NCALD: variants seen among roughly 807,000 people sequenced by gnomAD.
NCALD encodes neurocalcin delta, also known as neurocalcin-delta.
Under a neutral mutation model 18.6 loss-of-function variants are expected in NCALD, and 10 were observed. The observed-to-expected ratio is 0.54, with a 90% CI of 0.33 to 0.91. NCALD has a LOEUF of 0.91. Ranked by LOEUF, NCALD falls within the 40% of genes least tolerant of loss-of-function variation. The pLI, the probability that NCALD is intolerant of heterozygous loss-of-function variation, is 0.03. For synonymous variants in NCALD, 88 were observed against 87.4 expected, an observed-to-expected ratio of 1.01 and a Z score of -0.04; for missense variants, 184 against 247.6, an observed-to-expected ratio of 0.74 and a Z score of 1.72.
intron 1 of NCALD, among the ~76,000 whole-genome samples, chr8:101,755,787 G>A (rs1471960038): frequency 6.6e-6 from 1 of 152,190 alleles, no homozygotes; most frequent in African/African-American, 2.4e-5. Flanking sequence ...AACCTTTTGT[G>A]ACTAACCATT....
At chr8:101,822,923 C>G (rs900294122) in intron 4 of NCALD, among the ~76,000 whole-genome samples, 1 of 152,148 alleles carries the variant, frequency 6.6e-6, no homozygotes. Flanking sequence ...TTTGACATAC[C>G]TAACATGGCT....
intron 4 of NCALD, among the ~76,000 whole-genome samples, chr8:101,856,558 G>GA (rs1017853717): frequency 2.7e-5 from 4 of 149,738 alleles, no homozygotes; most frequent in South Asian, 2.1e-4. Context: ...CTGCTATTAA[G>GA]AAAAAAAAAG....
At chr8:101,889,316 C>T (rs1816788396) in intron 3 of NCALD, among the ~76,000 whole-genome samples, 1 of 152,194 alleles carries the variant, frequency 6.6e-6, no homozygotes, top group South Asian at 2.1e-4. Context: ...TTTGGTTAAG[C>T]CACTGTAGAA....
chr8:101,849,298 G>A (rs1317933879), intron 4 of NCALD, among the ~76,000 whole-genome samples: 1 of 152,036 alleles, frequency 6.6e-6, no homozygotes, highest in Non-Finnish European at 1.5e-5. Flanking sequence ...AAACCACCAT[G>A]GCACATGTTT....
intron 1 of NCALD, among the ~76,000 whole-genome samples, chr8:101,742,291 G>T (rs1481576088): frequency 2.6e-5 from 4 of 151,998 alleles, no homozygotes; most frequent in African/African-American, 9.7e-5. Context: ...GAAGAAGAAA[G>T]CAATAAAGGA....
intron 2 of NCALD, among the ~76,000 whole-genome samples, chr8:101,976,247 C>T (rs73279297): frequency 0.015 from 2,339 of 152,110 alleles, 49 homozygotes; most frequent in African/African-American, 0.048. Context: ...ACAAGTCACC[C>T]CTTTGTTAAA....
chr8:101,714,950 T>C (rs1586282366), intron 2 of NCALD, among the ~76,000 whole-genome samples: 1 of 149,416 alleles, frequency 6.7e-6, no homozygotes, highest in Non-Finnish European at 1.5e-5. Flanking sequence ...TGAGCCGAGA[T>C]TGCGCCACTG....
intron 4 of NCALD, among the ~76,000 whole-genome samples, chr8:101,859,076 C>T (rs1815434852): frequency 6.6e-6 from 1 of 152,086 alleles, no homozygotes; most frequent in South Asian, 2.1e-4. Flanking sequence ...GAGAGGCAGA[C>T]CCACCCTCAA....
upstream of NCALD, among the ~76,000 whole-genome samples, chr8:101,792,821 A>G (rs1812493909): frequency 1.3e-5 from 2 of 151,944 alleles, no homozygotes; most frequent in South Asian, 4.2e-4. Context: ...CAGCTTTAGC[A>G]TTTAAGAGAG....
At chr8:101,880,467 C>A (rs485263) in intron 4 of NCALD, among the ~76,000 whole-genome samples, 1 of 151,848 alleles carries the variant, frequency 6.6e-6, no homozygotes, top group Non-Finnish European at 1.5e-5. Flanking sequence ...AGCGCAGTGG[C>A]GGACTGAAGG....
chr8:102,025,772 TG>T (rs1361526195), intron 1 of NCALD, among the ~76,000 whole-genome samples: 2 of 152,234 alleles, frequency 1.3e-5, no homozygotes, highest in African/African-American at 4.8e-5. Flanking sequence ...GAGGAACGTA[TG>T]TCTACAGGTA....
intron 1 of NCALD, among the ~76,000 whole-genome samples, chr8:102,106,354 G>A (rs746444615): frequency 2.0e-5 from 3 of 151,868 alleles, no homozygotes; most frequent in South Asian, 2.1e-4. Context: ...GATTATAGGC[G>A]TGAGCCACCA....
At chr8:101,840,026 A>G (rs555940618) in intron 4 of NCALD, among the ~76,000 whole-genome samples, 2 of 152,196 alleles carry the variant, frequency 1.3e-5, no homozygotes, top group East Asian at 1.9e-4. Flanking sequence ...AGGAGCCTGG[A>G]GCCAATTAGA....
chr8:102,009,033 T>C (rs890876464), intron 2 of NCALD, among the ~76,000 whole-genome samples: 4 of 146,366 alleles, frequency 2.7e-5, no homozygotes, highest in Non-Finnish European at 1.5e-5. Flanking sequence ...ATTCAAAAAA[T>C]AAAAAAGTGG....
intron 2 of NCALD, among the ~76,000 whole-genome samples, chr8:101,952,578 C>A (rs2131815562): frequency 6.6e-6 from 1 of 152,320 alleles, no homozygotes; most frequent in East Asian, 1.9e-4. Flanking sequence ...TCTCTGGTCA[C>A]AGCTGAGAGC....
At chr8:101,926,790 T>A (rs1818351173) in intron 2 of NCALD, among the ~76,000 whole-genome samples, 1 of 152,104 alleles carries the variant, frequency 6.6e-6, no homozygotes, top group African/African-American at 2.4e-5. Context: ...GGGTTAGGGA[T>A]AAGGAGGTGG....
chr8:102,031,863 G>A (rs991268933), intron 1 of NCALD, among the ~76,000 whole-genome samples: 29 of 152,152 alleles, frequency 1.9e-4, no homozygotes, highest in African/African-American at 6.3e-4. Flanking sequence ...TGTGATCCCT[G>A]GAGGTGTAGT....
At chr8:102,029,465 A>T (rs1328201828) in intron 1 of NCALD, among the ~76,000 whole-genome samples, 1 of 152,228 alleles carries the variant, frequency 6.6e-6, no homozygotes, top group Non-Finnish European at 1.5e-5. Flanking sequence ...CTAGCCTGCA[A>T]ACATGAATGC....
chr8:101,801,912 C>T (rs1016042683), intron 4 of NCALD, among the ~76,000 whole-genome samples: 9 of 151,792 alleles, frequency 5.9e-5, no homozygotes, highest in Non-Finnish European at 1.0e-4. Flanking sequence ...GTGATCCGCC[C>T]GCCTCGGCCT....
Sources: gnomAD v4.1 joint callset for allele counts (sites outside exome capture counted in the v4.1 genomes callset) on GRCh38, gnomAD v4.1.1 for gene constraint, MANE v1.5 for transcripts, NCBI Gene and HGNC (gene_info 2026-07-23, HGNC 2026-07-21) for gene names.